ANKS1B: variants seen among roughly 807,000 people sequenced by gnomAD.
ANKS1B encodes the protein ankyrin repeat and sterile alpha motif domain containing 1B.
A neutral mutation model predicts 148.3 loss-of-function variants in ANKS1B; 36 were observed. The ratio of observed to expected loss-of-function variants is 0.24; its 90% CI spans 0.19 to 0.32. The LOEUF is 0.32. ANKS1B is among the 10% of genes least tolerant of loss of function. ANKS1B has a pLI of 1.00. For missense variants in ANKS1B, 1,157 were observed against 1,542.6 expected, an observed-to-expected ratio of 0.75 and a Z score of 4.19; for synonymous variants, 542 against 560.8, an observed-to-expected ratio of 0.97 and a Z score of 0.47.
intron 2 of ANKS1B, among the ~76,000 whole-genome samples, chr12:99,823,869 T>C (rs1368813804): frequency 6.6e-6 from 1 of 152,198 alleles, no homozygotes; most frequent in East Asian, 1.9e-4. Context: ...GCTTATTTGT[T>C]ATCAATTTTG....
intron 8 of ANKS1B, among the ~76,000 whole-genome samples, chr12:99,731,942 T>C (rs1236073286): frequency 6.6e-6 from 1 of 152,164 alleles, no homozygotes; most frequent in Non-Finnish European, 1.5e-5. Context: ...TTGAGATATA[T>C]AAAGAATTCG....
chr12:99,958,640 C>T (rs1360810631), intron 1 of ANKS1B, among the ~76,000 whole-genome samples: 3 of 152,206 alleles, frequency 2.0e-5, no homozygotes, highest in African/African-American at 7.2e-5. Flanking sequence ...CCACCTCAGC[C>T]TCCCAAAGTG....
intron 9 of ANKS1B, among the ~76,000 whole-genome samples, chr12:99,534,109 C>A (rs1471684397): frequency 6.6e-6 from 1 of 152,086 alleles, no homozygotes; most frequent in African/African-American, 2.4e-5. Flanking sequence ...CTTGAAAAAT[C>A]TGGAACAACA....
chr12:99,723,889 C>A (rs574536952), intron 8 of ANKS1B, among the ~76,000 whole-genome samples: 10 of 152,176 alleles, frequency 6.6e-5, no homozygotes, highest in African/African-American at 2.4e-4. Context: ...GCCCAGCAAA[C>A]CACAACAGCC....
At chr12:99,351,125 G>A (rs146104076) in intron 12 of ANKS1B, among the ~76,000 whole-genome samples, 1 of 152,174 alleles carries the variant, frequency 6.6e-6, no homozygotes, top group East Asian at 1.9e-4. Context: ...CACCTTGTGA[G>A]TCTGCTGATG....
chr12:99,594,253 G>A (rs1181390282), intron 9 of ANKS1B, among the ~76,000 whole-genome samples: 1 of 152,070 alleles, frequency 6.6e-6, no homozygotes, highest in Admixed American at 6.6e-5. Flanking sequence ...TTCGTGTACT[G>A]TTGTAAGAAT....
At chr12:98,937,526 A>AACCTCT (rs2099819934) in intron 17 of ANKS1B, among the ~76,000 whole-genome samples, 1 of 151,968 alleles carries the variant, frequency 6.6e-6, no homozygotes, top group Non-Finnish European at 1.5e-5. Context: ...AGACTCCTGA[A>AACCTCT]ACCTCTCTCA....
chr12:98,973,285 T>C (rs1381342870), intron 17 of ANKS1B, among the ~76,000 whole-genome samples: 1 of 151,976 alleles, frequency 6.6e-6, no homozygotes, highest in Non-Finnish European at 1.5e-5. Context: ...CAAAATTAAA[T>C]TTCATTCTAT....
chr12:98,804,072 G>A (rs1374699239), intron 20 of ANKS1B, among the ~76,000 whole-genome samples: 1 of 152,202 alleles, frequency 6.6e-6, no homozygotes, highest in Non-Finnish European at 1.5e-5. Context: ...GCTCTCCCAT[G>A]ACTCCACTTT....
At chr12:99,167,269 C>T (rs1293537018) in intron 14 of ANKS1B, among the ~76,000 whole-genome samples, 1 of 151,882 alleles carries the variant, frequency 6.6e-6, no homozygotes, top group Non-Finnish European at 1.5e-5. Flanking sequence ...AGACTCTTCC[C>T]TTTGAAAGAC....
At chr12:99,753,298 C>T (rs1163996551) in intron 8 of ANKS1B, among the ~76,000 whole-genome samples, 1 of 152,046 alleles carries the variant, frequency 6.6e-6, no homozygotes, top group Non-Finnish European at 1.5e-5. Flanking sequence ...TGAGCAAACA[C>T]ACCATGCAAG....
intron 9 of ANKS1B, among the ~76,000 whole-genome samples, chr12:99,561,629 C>T (rs73381513): frequency 0.013 from 1,904 of 152,034 alleles, 37 homozygotes; most frequent in African/African-American, 0.044. Flanking sequence ...TGCTCATCCA[C>T]GAGAAACAAT....
intron 11 of ANKS1B, among the ~76,000 whole-genome samples, chr12:99,436,007 A>G (rs1158695510): frequency 6.6e-6 from 1 of 151,616 alleles, no homozygotes; most frequent in African/African-American, 2.4e-5. Flanking sequence ...TGTTTTACTT[A>G]ATATTATTTT....
chr12:99,129,684 T>C (rs1475018104), intron 15 of ANKS1B, among the ~76,000 whole-genome samples: 1 of 152,200 alleles, frequency 6.6e-6, no homozygotes, highest in Non-Finnish European at 1.5e-5. Flanking sequence ...AAAACTGGGT[T>C]AAAACTTTAA....
intron 14 of ANKS1B, among the ~76,000 whole-genome samples, chr12:99,206,420 A>G (rs765739157): frequency 5.9e-5 from 9 of 152,230 alleles, no homozygotes; most frequent in East Asian, 1.9e-4. Context: ...GCATATATCA[A>G]TGAGGGTTCT....
chr12:99,288,422 C>G (rs1055071613), intron 12 of ANKS1B, among the ~76,000 whole-genome samples: 1 of 152,078 alleles, frequency 6.6e-6, no homozygotes, highest in African/African-American at 2.4e-5. Flanking sequence ...AAGGAGAGTT[C>G]TTCAATCTGA....
At chr12:98,795,733 T>C (rs1356927116) in intron 22 of ANKS1B, 1 of 426,776 alleles carries the variant, frequency 2.3e-6, no homozygotes, top group South Asian at 1.7e-5. Flanking sequence ...TCCTGGCACA[T>C]TGGAGAGGCA....
At chr12:98,837,323 C>T (rs911937898) in intron 17 of ANKS1B, among the ~76,000 whole-genome samples, 2 of 139,160 alleles carry the variant, frequency 1.4e-5, no homozygotes, top group African/African-American at 5.3e-5. Context: ...GGCGATGGAG[C>T]AAGACTCTGT....
chr12:99,872,287 G>C lies in ANKS1B; in HGVS notation c.135-46898C>G, dbSNP rs146149243. ...GTATACCAGTTAGAAAGAAGCATGA[G>C]GGTGTTTCTTAGTACTGGTAATGTT... On this transcript the variant is annotated intron_variant, in intron 1 of 26. Coordinates refer to ENST00000683438, the MANE Select transcript of ANKS1B (RefSeq NM_001352186.2). Among the ~76,000 whole-genome samples, 1,290 of 152,158 alleles carry C rather than the reference G, an allele frequency of 8.5e-3. 18 individuals are homozygous for C. Among genetic ancestry groups the C allele is most frequent in the African/African-American group, 0.029 (1,222 of 41,528 alleles).
Sources: allele counts gnomAD v4.1 joint callset (sites outside exome capture counted in the v4.1 genomes callset), GRCh38; gene constraint gnomAD v4.1.1; transcripts MANE v1.5; gene names NCBI Gene and HGNC (gene_info 2026-07-23, HGNC 2026-07-21).